The following ITPR2 variants were observed in gnomAD, a reference collection of about 807,000 sequenced individuals.
ITPR2 encodes the protein inositol 1,4,5-trisphosphate receptor type 2.
Under a neutral mutation model 317.1 loss-of-function variants are expected in ITPR2, and 207 were observed. That is an observed-to-expected ratio of 0.65 (90% CI 0.58 to 0.73). ITPR2 has a LOEUF of 0.73. ITPR2 is among the 30% of genes least tolerant of loss of function. The pLI is 0.00. For missense variants in ITPR2, 2,613 were observed against 3,284.0 expected (o/e 0.80, Z 4.99); for synonymous variants, 1,156 against 1,149.1 (o/e 1.01, Z -0.12).
At chr12:26,532,005 A>C (rs1371542094) in intron 37 of ITPR2, among the ~76,000 whole-genome samples, 1 of 152,258 alleles carries the variant, frequency 6.6e-6, no homozygotes, top group Admixed American at 6.5e-5. Context: ...GTATTTTATA[A>C]ATATTTTTAA....
chr12:26,777,034 GA>G (rs1241624673), intron 2 of ITPR2, among the ~76,000 whole-genome samples: 1 of 152,214 alleles, frequency 6.6e-6, no homozygotes, highest in Admixed American at 6.5e-5. Flanking sequence ...AAGGAACACA[GA>G]GTTGGATCAG....
rs1946521040 is a variant in ITPR2, at chr12:26,622,411, A to G, written c.3123-6T>C. ...GAACTGGATTTTTTTCTTTTCTATA[A>G]AACCAAAAACATTTCTAAAGTGACT... On this transcript the variant is annotated splice_region_variant and splice_polypyrimidine_tract_variant and intron_variant, in intron 24 of 56. Coordinates refer to ENST00000381340, the MANE Select transcript of ITPR2 (RefSeq NM_002223.4). The G allele has an allele frequency of 6.3e-7, 1 of 1,593,542 alleles. No homozygotes were observed. The highest frequency in any genetic ancestry group is 1.1e-5 in the South Asian group (1 of 87,582).
At chr12:26,692,701 ACACACACCGCCTCAT>A (rs1948263278) in intron 10 of ITPR2, among the ~76,000 whole-genome samples, 1 of 152,194 alleles carries the variant, frequency 6.6e-6, no homozygotes. Flanking sequence ...GGGAGCTCTG[ACACACACCGCCTCAT>A]TTCAGTGGCA....
chr12:26,830,454 G>T (rs141533975), intron 1 of ITPR2, among the ~76,000 whole-genome samples: 245 of 152,218 alleles, frequency 1.6e-3, no homozygotes, highest in Non-Finnish European at 3.0e-3. Context: ...AGATTATTAT[G>T]TATAACCAAA....
intron 55 of ITPR2, among the ~76,000 whole-genome samples, chr12:26,383,903 T>C (rs1178170896): frequency 1.3e-5 from 2 of 150,052 alleles, no homozygotes; most frequent in African/African-American, 4.9e-5. Context: ...AGATGAGTTG[T>C]TTTGTGAACT....
intron 1 of ITPR2, among the ~76,000 whole-genome samples, chr12:26,795,463 AC>A (rs1950417493): frequency 6.6e-6 from 1 of 151,972 alleles, no homozygotes; most frequent in Admixed American, 6.5e-5. Flanking sequence ...GACAATATAG[AC>A]AATATAAAGG....
chr12:26,705,007 G>A (rs972463495), intron 9 of ITPR2, among the ~76,000 whole-genome samples: 1 of 152,122 alleles, frequency 6.6e-6, no homozygotes. Flanking sequence ...GAAAGGTCAT[G>A]GGAAAAAAGG....
At chr12:26,735,619 G>GA (rs1334747657) in intron 2 of ITPR2, among the ~76,000 whole-genome samples, 6 of 152,260 alleles carry the variant, frequency 3.9e-5, no homozygotes, top group Non-Finnish European at 7.3e-5. Flanking sequence ...ATATGCACAT[G>GA]TGGGATTACA....
At position 26,724,731 on chromosome 12, in the gene ITPR2, T is replaced by C; in HGVS notation, c.291A>G (p.Glu97=). The change falls in exon 4 of 57, where the codon GAA becomes GAG. Residue 97 remains glutamate, a synonymous_variant. Transcript: ENST00000381340. ...ALLKKLQHAA[E]LEQKQNESEN... is the part of the protein sequence containing the mutation. ...CCGATTCATTTTGTTTTTGTTCCAG[T>C]TCTGCAGCGTGCTATAAGATGATTA... 6.2e-7 allele frequency: 1 copy of C among 1,604,618 alleles called. No individual in the cohort carries two copies. The highest frequency in any genetic ancestry group is 8.5e-7 in the Non-Finnish European group (1 of 1,173,156).
chr12:26,581,120 G>A (rs191651525), intron 32 of ITPR2, among the ~76,000 whole-genome samples: 1 of 152,230 alleles, frequency 6.6e-6, no homozygotes, highest in Admixed American at 6.5e-5. Flanking sequence ...AAATTTTTAT[G>A]TAATTTTTAA....
At chr12:26,636,322 T>C (rs555944161) in intron 21 of ITPR2, among the ~76,000 whole-genome samples, 33 of 152,310 alleles carry the variant, frequency 2.2e-4, no homozygotes, top group African/African-American at 6.3e-4. Context: ...TCTCATATCA[T>C]ATCATATATT....
chr12:26,796,446 G>GA (rs1038831046), intron 1 of ITPR2, among the ~76,000 whole-genome samples: 7 of 152,100 alleles, frequency 4.6e-5, no homozygotes, highest in Non-Finnish European at 8.8e-5. Flanking sequence ...AGTAAGGTAA[G>GA]AAAAAAATTG....
chr12:26,775,953 T>TACACAC (rs1555189738), intron 2 of ITPR2, among the ~76,000 whole-genome samples: 1 of 147,596 alleles, frequency 6.8e-6, no homozygotes, highest in Non-Finnish European at 1.5e-5. Flanking sequence ...TATATGTATA[T>TACACAC]GTATATCCTA....
intron 1 of ITPR2, among the ~76,000 whole-genome samples, chr12:26,817,193 AAAAAAAAAAG>A (rs990641260): frequency 6.6e-5 from 10 of 150,774 alleles, no homozygotes; most frequent in Non-Finnish European, 1.0e-4. Context: ...AAAAAAAAAA[AAAAAAAAAAG>A]GGCAGTACGA....
At chr12:26,384,568 C>T (rs1375200340) in intron 55 of ITPR2, among the ~76,000 whole-genome samples, 2 of 152,150 alleles carry the variant, frequency 1.3e-5, no homozygotes, top group Admixed American at 1.3e-4. Flanking sequence ...TACTTGGATA[C>T]TTAAAAATTC....
In ITPR2 at chr12:26,602,436, T is replaced by C; in HGVS notation, c.3612A>G (p.Gln1204=). The change falls in exon 28 of 57, where the codon CAA becomes CAG. Residue 1204 remains glutamine, a synonymous_variant. Coordinates refer to ENST00000381340, the MANE Select transcript of ITPR2 (RefSeq NM_002223.4). ...GCGCCCCCATATTTTTCAGTAATCG[T>C]TGATGTTGATTCCGACACTTTTTAT... The part of the protein sequence containing the change: ...VQNKKCRNQH[Q]RLLKNMGAHS... The C allele has an allele frequency of 6.2e-7, 1 of 1,613,846 alleles. No individual in the cohort carries two copies. Among genetic ancestry groups the C allele is most frequent in the Middle Eastern group, 1.6e-4 (1 of 6,062 alleles).
chr12:26,489,911 G>A (rs1942759552), intron 39 of ITPR2, among the ~76,000 whole-genome samples: 1 of 152,168 alleles, frequency 6.6e-6, no homozygotes, highest in Non-Finnish European at 1.5e-5. Context: ...TCTTGGGGAG[G>A]AGTGCGCTTT....
chr12:26,714,564 A>G (rs907602645), intron 8 of ITPR2, among the ~76,000 whole-genome samples: 1 of 152,148 alleles, frequency 6.6e-6, no homozygotes. Flanking sequence ...TATTACCTAT[A>G]AATTTCATTT....
At chr12:26,443,485 T>G (rs1941536138) in intron 46 of ITPR2, 58 bp downstream of exon 46, 2 of 1,333,674 alleles carry the variant, frequency 1.5e-6, no homozygotes, top group African/African-American at 1.4e-5. Flanking sequence ...TGGTCTAAAA[T>G]AGGAAGTAAG....
Sources: allele counts gnomAD v4.1 joint callset (sites outside exome capture counted in the v4.1 genomes callset), GRCh38; gene constraint gnomAD v4.1.1; transcripts MANE v1.5; gene names NCBI Gene and HGNC (gene_info 2026-07-23, HGNC 2026-07-21).